Variants in AGBL4 observed in about 807,000 individuals in gnomAD.
AGBL4 encodes cytosolic carboxypeptidase 6.
In AGBL4, 58 loss-of-function variants were observed where a neutral mutation model predicts 66.4. The ratio of observed to expected loss-of-function variants is 0.87; its 90% CI spans 0.71 to 1.09. The LOEUF is 1.09. Among genes scored for constraint, AGBL4 ranks in the 50% least tolerant of loss-of-function variants. The pLI is 0.00. For synonymous variants in AGBL4, 234 were observed against 222.9 expected, an observed-to-expected ratio of 1.05 and a Z score of -0.44; for missense variants, 579 against 631.0, an observed-to-expected ratio of 0.92 and a Z score of 0.88.
At chr1:49,916,875 C>G (rs902741607) in intron 1 of AGBL4, among the ~76,000 whole-genome samples, 2 of 152,196 alleles carry the variant, frequency 1.3e-5, no homozygotes, top group African/African-American at 2.4e-5. Flanking sequence ...ATCAGACTAA[C>G]AGCGGATCTC....
At chr1:49,881,132 C>T (rs1027296464) in intron 1 of AGBL4, among the ~76,000 whole-genome samples, 34 of 152,270 alleles carry the variant, frequency 2.2e-4, no homozygotes, top group South Asian at 4.1e-4. Context: ...GCGTCGCTCA[C>T]GCTGGGAGCT....
intron 3 of AGBL4, among the ~76,000 whole-genome samples, chr1:49,285,432 T>C (rs1306750860): frequency 2.6e-5 from 4 of 151,810 alleles, no homozygotes; most frequent in Non-Finnish European, 4.4e-5. Context: ...AGATCCAAAA[T>C]TGACACCCTA....
chr1:49,291,759 T>C (rs1644538077), intron 3 of AGBL4, among the ~76,000 whole-genome samples: 1 of 152,186 alleles, frequency 6.6e-6, no homozygotes, highest in Non-Finnish European at 1.5e-5. Flanking sequence ...GCTGCTGCCA[T>C]CATGCCAGGT....
At chr1:48,655,277 C>G (rs1393322131) in intron 7 of AGBL4, among the ~76,000 whole-genome samples, 1 of 152,168 alleles carries the variant, frequency 6.6e-6, no homozygotes, top group Non-Finnish European at 1.5e-5. Flanking sequence ...AAAATCATTC[C>G]CATTCATCAG....
At chr1:48,634,709 G>A (rs527719349) in intron 8 of AGBL4, 105 bp from the exon 9 acceptor site, 268 of 708,328 alleles carry the variant, frequency 3.8e-4, no homozygotes, top group Middle Eastern at 5.2e-4. Flanking sequence ...CACTTACCTA[G>A]CATTTATCAT....
intron 1 of AGBL4, among the ~76,000 whole-genome samples, chr1:50,013,806 A>G (rs1015434902): frequency 4.6e-5 from 7 of 152,216 alleles, no homozygotes; most frequent in African/African-American, 1.7e-4. Context: ...ATCTTTAAAC[A>G]TGTATAAAGC....
At chr1:48,898,284 C>T (rs1054369332) in intron 5 of AGBL4, among the ~76,000 whole-genome samples, 1 of 152,166 alleles carries the variant, frequency 6.6e-6, no homozygotes, top group Non-Finnish European at 1.5e-5. Context: ...GTTTCCTTTG[C>T]TGTGCAGAAA....
At position 49,443,146 on chromosome 1, in the gene AGBL4, G is replaced by T. The variant is rs189345542; in HGVS notation, c.283-197282C>A. Among the ~76,000 whole-genome samples the T allele has an allele frequency of 2.2e-3, 339 of 152,032 alleles. 2 individuals carry two copies. The highest frequency in any genetic ancestry group is 2.8e-3 in the Non-Finnish European group (192 of 67,930). ...TTATTTACTTTTTTCCTGTTGAATT[G>T]CTTGAGTTCCTTGTATATTCTGGAT... is the stretch of plus-strand genomic sequence containing the variant. On this transcript the variant is annotated intron_variant, in intron 3 of 13. Coordinates refer to ENST00000371839, the MANE Select transcript of AGBL4 (RefSeq NM_032785.4).
chr1:49,438,935 G>C (rs1645964382), intron 3 of AGBL4, among the ~76,000 whole-genome samples: 1 of 152,182 alleles, frequency 6.6e-6, no homozygotes, highest in Non-Finnish European at 1.5e-5. Context: ...CACAGTAGAA[G>C]GTGAGAGATC....
intron 1 of AGBL4, among the ~76,000 whole-genome samples, chr1:49,882,797 A>G (rs1034034140): frequency 3.3e-5 from 5 of 152,150 alleles, no homozygotes; most frequent in Middle Eastern, 3.2e-3. Flanking sequence ...GTGGTTATCA[A>G]TGTAAGCAGT....
At chr1:48,755,824 A>G (rs1163935011) in intron 6 of AGBL4, among the ~76,000 whole-genome samples, 1 of 152,150 alleles carries the variant, frequency 6.6e-6, no homozygotes, top group African/African-American at 2.4e-5. Flanking sequence ...TCTTCTTTGT[A>G]TCTCCCTAAG....
At chr1:48,715,421 G>A (rs1647033472) in intron 6 of AGBL4, among the ~76,000 whole-genome samples, 1 of 152,140 alleles carries the variant, frequency 6.6e-6, no homozygotes, top group Non-Finnish European at 1.5e-5. Context: ...GTCCCTGGGT[G>A]CCAGGCCCTG....
intron 4 of AGBL4, among the ~76,000 whole-genome samples, chr1:49,074,404 G>C (rs1477634502): frequency 6.6e-6 from 1 of 152,122 alleles, no homozygotes; most frequent in Middle Eastern, 3.2e-3. Flanking sequence ...TGCATCCACT[G>C]TCCAACCAGT....
At chr1:49,280,359 A>T (rs1644250588) in intron 3 of AGBL4, among the ~76,000 whole-genome samples, 1 of 152,176 alleles carries the variant, frequency 6.6e-6, no homozygotes, top group Non-Finnish European at 1.5e-5. Flanking sequence ...TCTTTACTGC[A>T]ATGCCATGGT....
At chr1:49,364,109 A>G (rs1213335336) in intron 3 of AGBL4, among the ~76,000 whole-genome samples, 1 of 152,224 alleles carries the variant, frequency 6.6e-6, no homozygotes, top group Non-Finnish European at 1.5e-5. Flanking sequence ...AAAGGCAGAG[A>G]GGTAGGAGAT....
At chr1:49,535,384 TAA>T (rs1234192602) in intron 3 of AGBL4, among the ~76,000 whole-genome samples, 4 of 147,970 alleles carry the variant, frequency 2.7e-5, no homozygotes, top group African/African-American at 9.8e-5. Context: ...TAATATATAA[TAA>T]GATAAGATAA....
chr1:49,831,106 C>T (rs1483819757), intron 2 of AGBL4, among the ~76,000 whole-genome samples: 2 of 151,966 alleles, frequency 1.3e-5, no homozygotes, highest in Non-Finnish European at 2.9e-5. Context: ...TTTTTGGTTC[C>T]AAATGAAATT....
chr1:49,708,752 T>C (rs1647399454), intron 2 of AGBL4, among the ~76,000 whole-genome samples: 1 of 152,172 alleles, frequency 6.6e-6, no homozygotes, highest in Non-Finnish European at 1.5e-5. Context: ...GGGCATCCTT[T>C]ATGCTGATGT....
At chr1:49,287,344 A>G (rs2148418550) in intron 3 of AGBL4, among the ~76,000 whole-genome samples, 1 of 147,178 alleles carries the variant, frequency 6.8e-6, no homozygotes, top group East Asian at 2.0e-4. Flanking sequence ...AATGGCAACA[A>G]AAGCCAAAAT....
Sources: allele counts gnomAD v4.1 joint callset (sites outside exome capture counted in the v4.1 genomes callset), GRCh38; gene constraint gnomAD v4.1.1; transcripts MANE v1.5; gene names NCBI Gene and HGNC (gene_info 2026-07-23, HGNC 2026-07-21).